The following PHACTR4 variants were observed in gnomAD, a reference collection of about 807,000 sequenced individuals.
PHACTR4 encodes the protein protein phosphatase 1, regulatory subunit 124.
Under a neutral mutation model 72.7 loss-of-function variants are expected in PHACTR4, and 51 were observed. That is an observed-to-expected ratio of 0.70 (90% CI 0.56 to 0.89). The LOEUF is 0.89. Among genes scored for constraint, PHACTR4 ranks in the 40% least tolerant of loss-of-function variants. PHACTR4 has a pLI of 0.00. For synonymous variants in PHACTR4, 255 were observed against 302.5 expected (o/e 0.84, Z 1.63); for missense variants, 731 against 861.8 (o/e 0.85, Z 1.90).
intron 2 of PHACTR4, among the ~76,000 whole-genome samples, chr1:28,422,255 C>T (rs936764697): frequency 3.3e-5 from 5 of 152,130 alleles, no homozygotes; most frequent in African/African-American, 4.8e-5. Context: ...TTTAACCAAC[C>T]ACAGATTGAA....
At chr1:28,406,763 T>TG (rs891349594) in intron 1 of PHACTR4, among the ~76,000 whole-genome samples, 21 of 152,266 alleles carry the variant, frequency 1.4e-4, no homozygotes, top group African/African-American at 4.8e-4. Context: ...TTGCCTTGAT[T>TG]GGGGGTGCAG....
chr1:28,400,392 A>G (rs550360131), intron 1 of PHACTR4, among the ~76,000 whole-genome samples: 467 of 151,036 alleles, frequency 3.1e-3, no homozygotes, highest in Middle Eastern at 6.8e-3. Flanking sequence ...AAAAAAAAAA[A>G]AGAGAAATCT....
At chr1:28,407,617 T>TTA (rs1373747552) in intron 2 of PHACTR4, among the ~76,000 whole-genome samples, 154 bp downstream of exon 2, 1 of 152,164 alleles carries the variant, frequency 6.6e-6, no homozygotes, top group Non-Finnish European at 1.5e-5. Flanking sequence ...AAGAATTCAG[T>TTA]TATATATTTA....
At chr1:28,472,070 G>A (rs753444193) in intron 6 of PHACTR4, among the ~76,000 whole-genome samples, 6 of 152,020 alleles carry the variant, frequency 3.9e-5, no homozygotes, top group Admixed American at 6.6e-5. Flanking sequence ...AAAATTAGCC[G>A]GGAGTGGTGG....
At chr1:28,484,430 C>T (rs1471555250) in intron 9 of PHACTR4, among the ~76,000 whole-genome samples, 1 of 151,446 alleles carries the variant, frequency 6.6e-6, no homozygotes, top group Non-Finnish European at 1.5e-5. Flanking sequence ...ATATACTAGA[C>T]AGGGCATAAA....
intron 2 of PHACTR4, among the ~76,000 whole-genome samples, chr1:28,446,066 A>G (rs925214074): frequency 1.3e-5 from 2 of 152,222 alleles, no homozygotes; most frequent in Admixed American, 6.5e-5. Context: ...AAGGCTTAGT[A>G]GTATTTGGTT....
chr1:28,490,824 CAA>C (rs1660991352), intron 10 of PHACTR4, 125 bp from the exon 11 acceptor site: 1 of 956,230 alleles, frequency 1.0e-6, no homozygotes, highest in African/African-American at 1.7e-5. Flanking sequence ...GCCTGGGCAA[CAA>C]GAGCAAAACT....
At chr1:28,475,694 A>AT (rs1307623788) in intron 7 of PHACTR4, among the ~76,000 whole-genome samples, 2 of 144,142 alleles carry the variant, frequency 1.4e-5, no homozygotes, top group African/African-American at 2.8e-5. Context: ...TCATCCATAG[A>AT]TTTTTTTGTA....
Position 28,496,664 on chromosome 1 carries a change from T to A in PHACTR4, c.*115T>A. ...ACAGCCAGAATTGCATCCTCTGGGA[T>A]CTTCTGAGGTGGACAGCACTTTGAA... On this transcript the variant is annotated 3_prime_UTR_variant, in exon 14 of 14. Coordinates refer to ENST00000373839, the MANE Select transcript of PHACTR4 (RefSeq NM_001048183.3). 8.3e-7 allele frequency: 1 copy of A among 1,203,222 alleles called. No individual in the cohort carries two copies. Among genetic ancestry groups the A allele is most frequent in the African/African-American group, 1.5e-5 (1 of 66,990 alleles). 74.5% of individuals were successfully genotyped at this position (1,203,222 alleles called of 1,614,324 possible). A position where few individuals can be genotyped will look rare whatever the true frequency, so the allele number is the denominator to read the frequency against.
chr1:28,461,549 T>G (rs920896941), intron 4 of PHACTR4, among the ~76,000 whole-genome samples: 10 of 152,214 alleles, frequency 6.6e-5, no homozygotes, highest in Non-Finnish European at 1.5e-4. Context: ...ATATTGCCTA[T>G]TCAAAAAATT....
chr1:28,402,721 G>A (rs957586311), intron 1 of PHACTR4, among the ~76,000 whole-genome samples: 1 of 152,150 alleles, frequency 6.6e-6, no homozygotes, highest in African/African-American at 2.4e-5. Context: ...TCTTGCACAG[G>A]TGTCCAGTTA....
At chr1:28,370,294 A>G (rs1440867336) in intron 1 of PHACTR4, among the ~76,000 whole-genome samples, 1 of 152,138 alleles carries the variant, frequency 6.6e-6, no homozygotes, top group Non-Finnish European at 1.5e-5. Flanking sequence ...GGGGCTTCGG[A>G]GCCAGGCGGA....
chr1:28,486,186 A>G (rs1399354635), intron 9 of PHACTR4, among the ~76,000 whole-genome samples: 1 of 151,846 alleles, frequency 6.6e-6, no homozygotes, highest in African/African-American at 2.4e-5. Flanking sequence ...GAGAAACTTC[A>G]TCTCTACTAA....
intron 6 of PHACTR4, among the ~76,000 whole-genome samples, chr1:28,468,800 G>A (rs1659379139): frequency 6.6e-6 from 1 of 152,126 alleles, no homozygotes; most frequent in African/African-American, 2.4e-5. Context: ...TTGAGAATTT[G>A]CCTTTCTAAT....
At position 28,373,570 on chromosome 1, in the gene PHACTR4, G is replaced by A. The variant is rs530367375; in HGVS notation, c.-39+3745G>A. 2.6e-5 allele frequency among the ~76,000 whole-genome samples: 4 copies of A among 152,076 alleles called. No homozygotes were observed. The East Asian group carries it at 5.8e-4, about 22-fold the overall frequency. Reference sequence around the variant, plus strand: ...CTCCCAAAGTTCTGGGATTACAGGCGTCAGCCATCACGCCTGGCCCATAAT... The same window carrying A: ...CTCCCAAAGTTCTGGGATTACAGGCATCAGCCATCACGCCTGGCCCATAAT... On this transcript the variant is annotated intron_variant, in intron 1 of 13. Coordinates refer to ENST00000373839, the MANE Select transcript of PHACTR4 (RefSeq NM_001048183.3).
chr1:28,373,342 G>A (rs1171017748), intron 1 of PHACTR4, among the ~76,000 whole-genome samples: 3 of 151,822 alleles, frequency 2.0e-5, no homozygotes, highest in African/African-American at 7.3e-5. Flanking sequence ...CCAGGCTGAA[G>A]TGCAATGGCA....
intron 1 of PHACTR4, among the ~76,000 whole-genome samples, chr1:28,393,242 C>T (rs1328751332): frequency 6.6e-6 from 1 of 152,094 alleles, no homozygotes; most frequent in Non-Finnish European, 1.5e-5. Context: ...CATACTTTAC[C>T]TTCTTAAATA....
intron 1 of PHACTR4, among the ~76,000 whole-genome samples, chr1:28,392,974 A>C (rs1653175871): frequency 6.6e-6 from 1 of 152,282 alleles, no homozygotes; most frequent in Non-Finnish European, 1.5e-5. Context: ...AAAGACACTA[A>C]ATTTGTGGGT....
chr1:28,460,618 C>T (rs147133642), intron 4 of PHACTR4, among the ~76,000 whole-genome samples: 14 of 152,278 alleles, frequency 9.2e-5, no homozygotes, highest in African/African-American at 1.9e-4. Context: ...AAGCAATTCT[C>T]GTGCCTCAGC....
Sources: allele counts gnomAD v4.1 joint callset (sites outside exome capture counted in the v4.1 genomes callset), GRCh38; gene constraint gnomAD v4.1.1; transcripts MANE v1.5; gene names NCBI Gene and HGNC (gene_info 2026-07-23, HGNC 2026-07-21).